Variants in FDPS observed in about 807,000 individuals in gnomAD.
The protein encoded by FDPS is farnesyl pyrophosphate synthase.
Under a neutral mutation model 49.5 loss-of-function variants are expected in FDPS, and 29 were observed. The ratio of observed to expected loss-of-function variants is 0.59; its 90% CI spans 0.44 to 0.80. The LOEUF is 0.80. Among genes scored for constraint, FDPS ranks in the 30% least tolerant of loss-of-function variants. The pLI, the probability that FDPS is intolerant of heterozygous loss-of-function variation, is 0.00. For synonymous variants in FDPS, 172 were observed against 206.4 expected (o/e 0.83, Z 1.43); for missense variants, 414 against 525.6 (o/e 0.79, Z 2.08).
intron 4 of FDPS, among the ~76,000 whole-genome samples, chr1:155,316,443 C>A (rs1649422128): frequency 6.6e-6 from 1 of 152,072 alleles, no homozygotes. Context: ...CATGACAAGA[C>A]CCTTGTCTCT....
chr1:155,317,797 C>T (rs1409140), intron 4 of FDPS, 144 bp from the exon 5 acceptor site: 619,101 of 627,420 alleles, frequency 0.99, 305,967 homozygotes, highest in East Asian at 1. Context: ...TGAGCTGTGA[C>T]TGCACCACTG....
rs773843773 is a variant in FDPS at position 155,310,221 on chromosome 1, C to G, written c.339+16C>G. The G allele has an allele frequency of 6.8e-6, 11 of 1,613,058 alleles. No individual in the cohort carries two copies. In the Admixed American group the frequency reaches 1.7e-4, roughly 24 times the overall value. On this transcript the variant is annotated intron_variant, in intron 3 of 10. Transcript: ENST00000368356. The stretch of plus-strand genomic sequence containing the variant: ...GCTCAAGGAGGTGAGGGATTCATGA[C>G]TTGGGGGAGTAAGGCTTTGGTTCAG...
intron 4 of FDPS, chr1:155,316,933 C>G (rs1649504216): frequency 6.6e-6 from 1 of 152,178 alleles, no homozygotes; most frequent in Non-Finnish European, 1.5e-5. Context: ...AGGCCTAATG[C>G]TGTGCTAGGC....
Position 155,310,037 on chromosome 1 carries a change from AC to A in FDPS, c.177-5del, listed in dbSNP as rs1648624787. On this transcript the variant is annotated splice_polypyrimidine_tract_variant and splice_region_variant and intron_variant, in intron 2 of 10. Transcript: ENST00000368356. The stretch of plus-strand genomic sequence containing the variant: ...CAGGTTTCTGACTTGTTTTTCTTCT[AC>A]TTAGAGCCCTTTGCTCCTCCCTCAG... 2 of 1,612,922 alleles carry A rather than the reference AC, an allele frequency of 1.2e-6. No homozygotes were observed.
At position 155,312,338 on chromosome 1, in the gene FDPS, G is replaced by C. The variant is rs778653025; in HGVS notation, c.423G>C (p.Arg141Ser). 1 of 1,613,520 alleles carries C rather than the reference G, an allele frequency of 6.2e-7. No individual in the cohort carries two copies. The highest frequency in any genetic ancestry group is 8.5e-7 in the Non-Finnish European group (1 of 1,179,680). Residue 141 changes from arginine to serine, a missense_variant, in exon 4 of 11, where the codon AGG becomes AGC. Arg to Ser is a moderately radical substitution (Grantham distance 110). Coordinates refer to ENST00000368356, the MANE Select transcript of FDPS (RefSeq NM_002004.4). ...VVAFRELVEP[R>S]KQDADSLQRA... Reference sequence around the variant, plus strand: ...CATTCCGGGAGCTGGTGGAGCCAAGGAAACAGGATGCTGATAGTCTCCAGC... The same window carrying C: ...CATTCCGGGAGCTGGTGGAGCCAAGCAAACAGGATGCTGATAGTCTCCAGC...
At position 155,318,096 on chromosome 1, in the gene FDPS, G is replaced by A. The variant is rs1649687780; in HGVS notation, c.562-73G>A. ...GGTGGTTATATATGGCCTGGTTGAG[G>A]TGTTGGGGTGATGGCTCTTAGTATG... On this transcript the variant is annotated intron_variant, in intron 5 of 10. Transcript: ENST00000368356. This position sits in a 1 kb window ranked among gnomAD's most constrained non-coding sequence, Gnocchi z 4.2. 1.2e-6 allele frequency: 2 copies of A among 1,612,614 alleles called. No individual in the cohort carries two copies. The highest frequency in any genetic ancestry group is 1.7e-5 in the Admixed American group (1 of 59,996).
chr1:155,310,100 A>G lies in FDPS; in HGVS notation c.234A>G (p.Gln78=), dbSNP rs1277808758. ...ACCAGAATTCAGATGTTTATGCCCA[A>G]GAAAAGCAGGATTTCGTTCAGCACT... ...NGDQNSDVYA[Q]EKQDFVQHFS... The change falls in exon 3 of 11, where the codon CAA becomes CAG. Residue 78 remains glutamine (Q), a synonymous_variant. Coordinates refer to ENST00000368356, the MANE Select transcript of FDPS (RefSeq NM_002004.4). The G allele has an allele frequency of 6.2e-7, 1 of 1,614,058 alleles. No homozygotes were observed.
chr1:155,310,585 A>C (rs1371224015), intron 3 of FDPS: 1 of 202,324 alleles, frequency 4.9e-6, no homozygotes, highest in African/African-American at 2.4e-5. Flanking sequence ...TGCTGGGATT[A>C]CAGGTGTGAG....
At chr1:155,314,114 C>G (rs949961113) in intron 4 of FDPS, among the ~76,000 whole-genome samples, 1 of 152,018 alleles carries the variant, frequency 6.6e-6, no homozygotes, top group Admixed American at 6.6e-5. Context: ...GTGTGAGCCA[C>G]TGCACCTGGC....
chr1:155,312,150 A>T, intron 3 of FDPS, 105 bp from the exon 4 acceptor site: 2 of 1,296,870 alleles, frequency 1.5e-6, no homozygotes, highest in Middle Eastern at 2.7e-4. Context: ...GGGGTTGGGG[A>T]GGATAAAGTT....
chr1:155,316,212 G>A (rs549985821), intron 4 of FDPS, among the ~76,000 whole-genome samples: 4 of 152,062 alleles, frequency 2.6e-5, no homozygotes, highest in South Asian at 2.1e-4. Flanking sequence ...CCGAGATTGC[G>A]CCATTGCACT....
chr1:155,315,152 A>G (rs751127812), intron 4 of FDPS, among the ~76,000 whole-genome samples: 1 of 152,156 alleles, frequency 6.6e-6, no homozygotes, highest in Non-Finnish European at 1.5e-5. Flanking sequence ...TCCTTTCCCC[A>G]CGGCCCATGC....
Position 155,318,662 on chromosome 1 carries a change from T to C in FDPS, c.685-3T>C. 1.9e-6 allele frequency: 3 copies of C among 1,609,588 alleles called. No homozygotes were observed. The highest frequency in any genetic ancestry group is 1.1e-5 in the South Asian group (1 of 90,980). On this transcript the variant is annotated splice_polypyrimidine_tract_variant and splice_region_variant and intron_variant, in intron 6 of 10. Coordinates refer to ENST00000368356, the MANE Select transcript of FDPS (RefSeq NM_002004.4). The surrounding 1 kb of genome is among the most constrained non-coding windows in gnomAD (Gnocchi z 4.2). ...GCTCATGGACCGTCTTTGTCTTGCT[T>C]AGAGTTCCTATCAGACTGAGATTGG...
rs1649774217 is a variant in FDPS at position 155,318,540 on chromosome 1, C to T, written c.685-125C>T. On this transcript the variant is annotated intron_variant, in intron 6 of 10. Transcript: ENST00000368356. This position sits in a 1 kb window ranked among gnomAD's most constrained non-coding sequence, Gnocchi z 4.2. Reference sequence around the variant, plus strand: ...TATGGGCCTTAAGTTTTGGGGCTTTCTCCCCTTCTGTTGCCTTTCTGATTC... The same window carrying T: ...TATGGGCCTTAAGTTTTGGGGCTTTTTCCCCTTCTGTTGCCTTTCTGATTC... The T allele has an allele frequency of 4.6e-6, 4 of 867,818 alleles. No homozygotes were observed. The Admixed American group carries it at 9.1e-5, about 20-fold the overall frequency. The allele number at this position is 867,818 out of a possible 1,614,324, so 53.8% of individuals were successfully genotyped here. A position where few individuals can be genotyped will look rare whatever the true frequency, so the allele number is the denominator to read the frequency against.
intron 10 of FDPS, 159 bp from the exon 11 acceptor site, chr1:155,320,250 C>G: frequency 1.4e-6 from 1 of 690,744 alleles, no homozygotes; most frequent in Non-Finnish European, 2.5e-6. Context: ...GGAAGGGAAG[C>G]TTGGGATTTT....
At position 155,314,188 on chromosome 1, in the gene FDPS, AT is replaced by A. The variant is rs34299252; in HGVS notation, c.480+1808del. Reference sequence around the variant, plus strand: ...ACCTGTAAGTTTTTAAAAATTTTTAATTTTTTTTTTTTTTTGATACAGGGTC... The same window carrying A: ...ACCTGTAAGTTTTTAAAAATTTTTAATTTTTTTTTTTTTTGATACAGGGTC... On this transcript the variant is annotated intron_variant, in intron 4 of 10. Coordinates refer to ENST00000368356, the MANE Select transcript of FDPS (RefSeq NM_002004.4). Among the ~76,000 whole-genome samples the A allele has an allele frequency of 4.3e-3, 599 of 140,814 alleles. 2 individuals carry two copies. The highest frequency in any genetic ancestry group is 9.1e-3 in the African/African-American group (348 of 38,128). The allele number at this position is 140,814 out of a possible 152,430, so 92.4% of individuals were successfully genotyped here.
At position 155,310,098 on chromosome 1, in the gene FDPS, C is replaced by T; in HGVS notation, c.232C>T (p.Gln78Ter). The T allele has an allele frequency of 6.2e-7, 1 of 1,613,976 alleles. No individual in the cohort carries two copies. Among genetic ancestry groups the T allele is most frequent in the Non-Finnish European group, 8.5e-7 (1 of 1,179,942 alleles). ...AGACCAGAATTCAGATGTTTATGCCCAAGAAAAGCAGGATTTCGTTCAGCA... is the reference window on the plus strand; with the variant it reads ...AGACCAGAATTCAGATGTTTATGCCTAAGAAAAGCAGGATTTCGTTCAGCA... ...NGDQNSDVYA[Q>*]EKQDFVQHFS... Residue 78 changes from glutamine to a stop codon, truncating the protein, a stop_gained, in exon 3 of 11, where the codon CAA (glutamine) becomes TAA (stop). Transcript: ENST00000368356. LOFTEE classifies it high-confidence loss of function.
Position 155,309,857 on chromosome 1 carries a change from G to T in FDPS, c.68G>T (p.Arg23Leu). The part of the protein sequence containing the change: ...FLLPAPYWAP[R>L]ERWLGSLRRP... ...CTGCCAGCCCCCTACTGGGCACCCCGGGAGAGGTGGCTGGGTTCCCTACGG... is the reference window on the plus strand; with the variant it reads ...CTGCCAGCCCCCTACTGGGCACCCCTGGAGAGGTGGCTGGGTTCCCTACGG... Residue 23 changes from arginine (R) to leucine (L), a missense_variant, in exon 2 of 11, where the codon CGG becomes CTG. Transcript: ENST00000368356. 1 of 1,587,816 alleles carries T rather than the reference G, an allele frequency of 6.3e-7. No individual in the cohort carries two copies. Among genetic ancestry groups the T allele is most frequent in the East Asian group, 2.3e-5 (1 of 43,812 alleles).
In FDPS at chr1:155,318,784, T is replaced by G; in HGVS notation, c.773+31T>G. The G allele has an allele frequency of 6.3e-7, 1 of 1,595,858 alleles. No homozygotes were observed. The highest frequency in any genetic ancestry group is 8.6e-7 in the Non-Finnish European group (1 of 1,163,482). ...GGGAGGTGAGGGACAGCGCGAACCA[T>G]GTCTGGACAGCGAGGGAGGGCTCAG... is the stretch of plus-strand genomic sequence containing the variant. On this transcript the variant is annotated intron_variant, in intron 7 of 10. Coordinates refer to ENST00000368356, the MANE Select transcript of FDPS (RefSeq NM_002004.4). This position sits in a 1 kb window ranked among gnomAD's most constrained non-coding sequence, Gnocchi z 4.2.
Sources: allele counts gnomAD v4.1 joint callset (sites outside exome capture counted in the v4.1 genomes callset), GRCh38; gene constraint gnomAD v4.1.1; non-coding constraint Gnocchi (gnomAD v3.1); transcripts MANE v1.5; gene names NCBI Gene and HGNC (gene_info 2026-07-23, HGNC 2026-07-21).